The following AASDH variants were observed in gnomAD, a reference collection of about 807,000 sequenced individuals.
AASDH encodes aminoadipate-semialdehyde dehydrogenase.
AASDH carries 81 observed loss-of-function variants against 102.3 expected under a neutral mutation model. The observed-to-expected ratio is 0.79, with a 90% CI of 0.66 to 0.95. The LOEUF (loss-of-function observed/expected upper bound fraction) is 0.95, where lower values mean the gene tolerates loss of function less well. Among genes scored for constraint, AASDH ranks in the 40% least tolerant of loss-of-function variants. The pLI is 0.00. For missense variants in AASDH, 1,203 were observed against 1,266.2 expected (o/e 0.95, Z 0.76); for synonymous variants, 398 against 454.0 (o/e 0.88, Z 1.57).
At position 56,349,988 on chromosome 4, in the gene AASDH, T is replaced by C; in HGVS notation, c.1763A>G (p.Asp588Gly). ...DESLFLNSGG[D>G]SLKSIRLLSE... The stretch of plus-strand genomic sequence containing the variant: ...GAGGAGCCGGATGGACTTTAAGGAA[T>C]CTCCACCACTATTTAAGAAGAGTGA... The change falls in exon 11 of 15, where the codon GAT becomes GGT. Residue 588 changes from aspartate to glycine, a missense_variant. Coordinates refer to ENST00000205214, the MANE Select transcript of AASDH (RefSeq NM_181806.4). 1 of 1,612,156 alleles carries C rather than the reference T, an allele frequency of 6.2e-7. No homozygotes were observed. The highest frequency in any genetic ancestry group is 8.5e-7 in the Non-Finnish European group (1 of 1,179,950).
At position 56,354,814 on chromosome 4, in the gene AASDH, A is replaced by C; in HGVS notation, c.1104-3T>G. 1 of 1,591,274 alleles carries C rather than the reference A, an allele frequency of 6.3e-7. No individual in the cohort carries two copies. The highest frequency in any genetic ancestry group is 8.6e-7 in the Non-Finnish European group (1 of 1,169,490). ...CCAGTTGTACAGGCAATTCACATCT[A>C]TGAAAATAAGATACAGAGCAGATTT... On this transcript the variant is annotated splice_polypyrimidine_tract_variant and splice_region_variant and intron_variant, in intron 6 of 14. Transcript: ENST00000205214.
chr4:56,370,506 C>T (rs1751563250), intron 5 of AASDH, among the ~76,000 whole-genome samples: 1 of 152,128 alleles, frequency 6.6e-6, no homozygotes, highest in Admixed American at 6.5e-5. Context: ...GTCATGCAGG[C>T]AGAGACCTCA....
chr4:56,355,318 G>A lies in AASDH; in HGVS notation c.967C>T (p.Pro323Ser). The A allele has an allele frequency of 6.2e-7, 1 of 1,614,116 alleles. No individual in the cohort carries two copies. Residue 323 changes from proline to serine, a missense_variant, in exon 6 of 15, where the codon CCA (proline) becomes TCA (serine). Coordinates refer to ENST00000205214, the MANE Select transcript of AASDH (RefSeq NM_181806.4). The part of the protein sequence containing the change: ...RVLALGGEAF[P>S]SLTVLRSWRG... The stretch of plus-strand genomic sequence containing the variant: ...CAGCTTCTGAGAACTGTCAATGATG[G>A]AAACGCTTCACCACCAAGGGCTAAT...
rs1257350415 is a variant in AASDH at position 56,378,366 on chromosome 4, CTCAG to C, written c.446_449del (p.Thr149ArgfsTer2). On this transcript the variant is annotated frameshift_variant, in exon 4 of 15. Coordinates refer to ENST00000205214, the MANE Select transcript of AASDH (RefSeq NM_181806.4). LOFTEE classifies it high-confidence loss of function. ...TTCCATCATTTAGCATCAAGTTCAC[CTCAG>C]TATTTTTCCAGTGAAGTCTGAAGAG... 1 of 1,613,712 alleles carries C rather than the reference CTCAG, an allele frequency of 6.2e-7. No individual in the cohort carries two copies. Among genetic ancestry groups the C allele is most frequent in the Admixed American group, 1.7e-5 (1 of 59,990 alleles).
intron 5 of AASDH, chr4:56,356,287 C>A: frequency 8.5e-7 from 1 of 1,182,084 alleles, no homozygotes; most frequent in Non-Finnish European, 1.2e-6. Flanking sequence ...GAGACCTCAC[C>A]AGCTTTGTGA....
chr4:56,379,167 A>G (rs1385556039), intron 3 of AASDH, among the ~76,000 whole-genome samples: 1 of 152,104 alleles, frequency 6.6e-6, no homozygotes, highest in African/African-American at 2.4e-5. Flanking sequence ...GATTACAGGC[A>G]TGAGCCACCA....
At position 56,338,787 on chromosome 4, in the gene AASDH, C is replaced by T; in HGVS notation, c.2912G>A (p.Trp971Ter). The T allele has an allele frequency of 1.1e-5, 17 of 1,613,242 alleles. No individual in the cohort carries two copies. The highest frequency in any genetic ancestry group is 1.4e-5 in the Non-Finnish European group (16 of 1,179,516). The change falls in exon 15 of 15, where the codon TGG becomes TAG. Residue 971 changes from tryptophan (W) to a stop codon, truncating the protein, a stop_gained. Coordinates refer to ENST00000205214, the MANE Select transcript of AASDH (RefSeq NM_181806.4). LOFTEE classifies it low-confidence loss of function (END_TRUNC). The stretch of plus-strand genomic sequence containing the variant: ...GATTGGTCCACTGGTAGAGAACTGC[C>T]AAACCTATAACAAGTAATAAAAATA... ...LCFTHFGEQV[W>*]QFSTSGPIFS...
intron 4 of AASDH, among the ~76,000 whole-genome samples, chr4:56,377,544 T>C (rs573585458): frequency 6.0e-4 from 91 of 152,332 alleles, no homozygotes; most frequent in Admixed American, 4.8e-3. Flanking sequence ...ATAACTCTGC[T>C]AGTACCTCTG....
intron 5 of AASDH, chr4:56,356,103 G>A (rs1221147665): frequency 1.5e-5 from 9 of 612,760 alleles, no homozygotes; most frequent in Non-Finnish European, 2.3e-5. Flanking sequence ...TTAAAAATGT[G>A]CCTAAGTAGC....
chr4:56,382,787 T>C (rs541872119), intron 2 of AASDH, among the ~76,000 whole-genome samples, 190 bp from the exon 3 acceptor site: 21 of 152,352 alleles, frequency 1.4e-4, no homozygotes, highest in Non-Finnish European at 2.2e-4. Flanking sequence ...GCTGTCATTT[T>C]AGCCGGGCAC....
chr4:56,338,698 T>A lies in AASDH; in HGVS notation c.3001A>T (p.Ile1001Phe). The A allele has an allele frequency of 4.3e-6, 7 of 1,614,186 alleles. No individual in the cohort carries two copies. The highest frequency in any genetic ancestry group is 5.9e-6 in the Non-Finnish European group (7 of 1,180,022). The part of the protein sequence containing the change: ...KIFFGSHDCF[I>F]YCCNMKGHLQ... ...TGACCTTTCATGTTACAACAGTAGATAAAGCAATCATGGGAACCAAAAAAT... is the reference window on the plus strand; with the variant it reads ...TGACCTTTCATGTTACAACAGTAGAAAAAGCAATCATGGGAACCAAAAAAT... Residue 1001 changes from isoleucine to phenylalanine, a missense_variant, in exon 15 of 15, where the codon ATC becomes TTC. By Grantham distance (21) the Ile-to-Phe change is conservative. Transcript: ENST00000205214.
chr4:56,379,866 G>A (rs1752770531), intron 3 of AASDH, among the ~76,000 whole-genome samples: 1 of 152,168 alleles, frequency 6.6e-6, no homozygotes, highest in Non-Finnish European at 1.5e-5. Flanking sequence ...AAAGAACGGG[G>A]TGGGGGAGAG....
chr4:56,362,604 T>C (rs1205434914), intron 5 of AASDH, among the ~76,000 whole-genome samples: 1 of 152,060 alleles, frequency 6.6e-6, no homozygotes, highest in Non-Finnish European at 1.5e-5. Flanking sequence ...TCCAATTAGG[T>C]CTGGGTAAGG....
At chr4:56,363,478 G>A (rs1321149565) in intron 5 of AASDH, among the ~76,000 whole-genome samples, 2 of 152,196 alleles carry the variant, frequency 1.3e-5, no homozygotes, top group African/African-American at 4.8e-5. Context: ...CCCCCAGTAG[G>A]GGCGGACTGA....
At chr4:56,372,224 T>C (rs539243462) in intron 4 of AASDH, among the ~76,000 whole-genome samples, 319 of 152,348 alleles carry the variant, frequency 2.1e-3, no homozygotes, top group Non-Finnish European at 2.9e-3. Flanking sequence ...TGATTTCACC[T>C]GGGACAGTCT....
intron 5 of AASDH, among the ~76,000 whole-genome samples, chr4:56,359,857 G>A (rs892655911): frequency 1.8e-4 from 27 of 151,954 alleles, no homozygotes; most frequent in African/African-American, 6.5e-4. Flanking sequence ...GTGCCCGGCC[G>A]ATGTTCTCCT....
intron 3 of AASDH, among the ~76,000 whole-genome samples, chr4:56,379,454 G>T (rs1438038108): frequency 1.3e-5 from 2 of 151,996 alleles, no homozygotes; most frequent in Non-Finnish European, 2.9e-5. Context: ...ATGAATCCTC[G>T]GATAGGAAAC....
chr4:56,383,255 T>C (rs1350816919), intron 2 of AASDH, among the ~76,000 whole-genome samples: 1 of 152,140 alleles, frequency 6.6e-6, no homozygotes, highest in African/African-American at 2.4e-5. Flanking sequence ...ATTTCGTCAA[T>C]AATTGAGTGA....
Position 56,387,440 on chromosome 4 carries a change from A to G in AASDH, c.-121T>C, listed in dbSNP as rs1753705293. The G allele has an allele frequency of 6.6e-6, 1 of 152,246 alleles. No individual in the cohort carries two copies. Among genetic ancestry groups the G allele is most frequent in the Non-Finnish European group, 1.5e-5 (1 of 68,078 alleles). 9.4% of individuals were successfully genotyped at this position (152,246 alleles called of 1,614,324 possible). On this transcript the variant is annotated 5_prime_UTR_variant, in exon 1 of 15. Transcript: ENST00000205214. ...TCGTCGCGGATACTTCTCACAGCGA[A>G]GCAGCAGCTCCCAGAAGCCGTAAAG...
Sources: gnomAD v4.1 joint callset for allele counts (sites outside exome capture counted in the v4.1 genomes callset) on GRCh38, gnomAD v4.1.1 for gene constraint, MANE v1.5 for transcripts, NCBI Gene and HGNC (gene_info 2026-07-23, HGNC 2026-07-21) for gene names.